The following MCC variants were observed in gnomAD, a reference collection of about 807,000 sequenced individuals.
MCC encodes the protein MCC regulator of Wnt signaling pathway.
In MCC, 90 loss-of-function variants were observed where a neutral mutation model predicts 116.2. The ratio of observed to expected loss-of-function variants is 0.77; its 90% CI spans 0.65 to 0.92. The LOEUF is 0.92. Among genes scored for constraint, MCC ranks in the 40% least tolerant of loss-of-function variants. The pLI is 0.00. For missense variants in MCC, 1,516 were observed against 1,312.2 expected (o/e 1.16, Z -2.40); for synonymous variants, 578 against 510.5 (o/e 1.13, Z -1.78).
At chr5:113,310,335 G>T (rs553561119) in intron 3 of MCC, among the ~76,000 whole-genome samples, 2 of 152,302 alleles carry the variant, frequency 1.3e-5, no homozygotes, top group African/African-American at 4.8e-5. Context: ...AGCAACAGGG[G>T]TGCCAACTTG....
At chr5:113,458,750 G>C (rs1771653667) in intron 1 of MCC, among the ~76,000 whole-genome samples, 1 of 152,192 alleles carries the variant, frequency 6.6e-6, no homozygotes, top group African/African-American at 2.4e-5. Context: ...AAGAAAGTGT[G>C]AGGGGTTACA....
In MCC at chr5:113,340,508, A is replaced by G. The variant is rs765487674; in HGVS notation, c.627+11T>C. ...CCGAAATATGTATTCCATGAACCAA[A>G]AAGTACTCACTGTGTTGGCCAGCTC... On this transcript the variant is annotated intron_variant, in intron 3 of 18. Transcript: ENST00000408903. 3 of 1,613,078 alleles carry G rather than the reference A, an allele frequency of 1.9e-6. No homozygotes were observed. The highest frequency in any genetic ancestry group is 2.5e-6 in the Non-Finnish European group (3 of 1,179,054).
At chr5:113,139,642 T>C (rs78980286) in intron 5 of MCC, among the ~76,000 whole-genome samples, 11,355 of 152,246 alleles carry the variant, frequency 0.075, 550 homozygotes, top group East Asian at 0.12. Context: ...AGTAATGCTT[T>C]TACACTGTTG....
chr5:113,419,034 C>T (rs530785371), intron 1 of MCC, among the ~76,000 whole-genome samples: 284 of 152,254 alleles, frequency 1.9e-3, no homozygotes, highest in Middle Eastern at 3.4e-3. Context: ...TTGGCAATTC[C>T]TAAGAACGTT....
intron 17 of MCC, among the ~76,000 whole-genome samples, chr5:113,037,067 T>C (rs2150211096): frequency 6.6e-6 from 1 of 152,364 alleles, no homozygotes; most frequent in Middle Eastern, 3.4e-3. Context: ...TTTACAATAA[T>C]GGTCCTCCTC....
intron 2 of MCC, among the ~76,000 whole-genome samples, chr5:113,344,940 C>T (rs1369077905): frequency 1.3e-5 from 2 of 152,190 alleles, no homozygotes; most frequent in South Asian, 4.2e-4. Context: ...CTGTCTTGCA[C>T]CGCAGGTACC....
At chr5:113,205,673 TAA>T (rs1762884710) in intron 3 of MCC, among the ~76,000 whole-genome samples, 4 of 152,370 alleles carry the variant, frequency 2.6e-5, no homozygotes, top group Middle Eastern at 3.4e-3. Context: ...AAGAAAGTCT[TAA>T]AGAGTATTTT....
intron 3 of MCC, among the ~76,000 whole-genome samples, chr5:113,187,018 T>C (rs925696836): frequency 6.6e-6 from 1 of 152,144 alleles, no homozygotes; most frequent in Admixed American, 6.5e-5. Flanking sequence ...AATCCTACTT[T>C]AGGAAAGTTT....
At chr5:113,036,941 A>C (rs566970391) in intron 17 of MCC, among the ~76,000 whole-genome samples, 1 of 152,348 alleles carries the variant, frequency 6.6e-6, no homozygotes, top group South Asian at 2.1e-4. Context: ...GTATTCCATT[A>C]ATGTCCTGCA....
chr5:113,046,848 T>C (rs961814088), intron 16 of MCC, among the ~76,000 whole-genome samples: 2 of 152,162 alleles, frequency 1.3e-5, no homozygotes, highest in African/African-American at 4.8e-5. Flanking sequence ...CTTGGGCAGA[T>C]GGCTTCATAG....
At chr5:113,036,786 A>G (rs882253) in intron 17 of MCC, among the ~76,000 whole-genome samples, 117,187 of 152,066 alleles carry the variant, frequency 0.77, 45,404 homozygotes, top group African/African-American at 0.84. Flanking sequence ...AGGGATGGCA[A>G]AAAAGTAAAA....
chr5:113,124,968 C>T (rs1463303416), intron 5 of MCC, among the ~76,000 whole-genome samples: 1 of 152,194 alleles, frequency 6.6e-6, no homozygotes, highest in Admixed American at 6.5e-5. Context: ...CAGTTAGGAC[C>T]TAATTTCAGT....
intron 3 of MCC, among the ~76,000 whole-genome samples, chr5:113,285,381 A>G (rs1249718631): frequency 1.5e-5 from 2 of 131,244 alleles, no homozygotes; most frequent in Non-Finnish European, 3.1e-5. Flanking sequence ...AAGAATAAGA[A>G]AGTAAAACAA....
intron 8 of MCC, among the ~76,000 whole-genome samples, chr5:113,098,838 A>C (rs1456180651): frequency 6.6e-6 from 1 of 152,208 alleles, no homozygotes; most frequent in East Asian, 1.9e-4. Flanking sequence ...ATTGCTCGTC[A>C]AGGAACTTTG....
chr5:113,267,506 A>G (rs567938928), intron 3 of MCC, among the ~76,000 whole-genome samples: 16 of 152,176 alleles, frequency 1.1e-4, no homozygotes, highest in Non-Finnish European at 1.8e-4. Flanking sequence ...TAATAGGTGA[A>G]GCATGCCACT....
At chr5:113,458,572 A>C (rs1427131416) in intron 1 of MCC, among the ~76,000 whole-genome samples, 1 of 152,260 alleles carries the variant, frequency 6.6e-6, no homozygotes, top group Admixed American at 6.5e-5. Flanking sequence ...CAGATGTAAA[A>C]ATGATGCAAA....
At chr5:113,478,437 G>A (rs942470916) in intron 1 of MCC, among the ~76,000 whole-genome samples, 9 of 152,192 alleles carry the variant, frequency 5.9e-5, no homozygotes, top group Non-Finnish European at 1.2e-4. Context: ...TGGGTTGGAT[G>A]TAGCATTTGA....
intron 4 of MCC, among the ~76,000 whole-genome samples, chr5:113,147,591 G>C (rs181993334): frequency 6.6e-6 from 1 of 152,296 alleles, no homozygotes. Flanking sequence ...ATGCTAACAA[G>C]AGATGTTACC....
chr5:113,054,720 G>A lies in MCC; in HGVS notation c.2214-761C>T, dbSNP rs892023354. ...AGTATAGTGTTCACTATAGGGACTC[G>A]GGCTGGCCCAAGGGCCCTTGGCAGC... On this transcript the variant is annotated intron_variant, in intron 14 of 18. Transcript: ENST00000408903. Among the ~76,000 whole-genome samples, 9 of 152,130 alleles carry A rather than the reference G, an allele frequency of 5.9e-5. 1 individual carries two copies. The highest frequency in any genetic ancestry group is 2.2e-4 in the African/African-American group (9 of 41,428).
Sources: allele counts gnomAD v4.1 joint callset (sites outside exome capture counted in the v4.1 genomes callset), GRCh38; gene constraint gnomAD v4.1.1; transcripts MANE v1.5; gene names NCBI Gene and HGNC (gene_info 2026-07-23, HGNC 2026-07-21).